Variants in GBX1 observed in about 807,000 individuals in gnomAD.
The protein encoded by GBX1 is gastrulation brain homeobox 1, also known as homeobox protein GBX-1.
In GBX1, 9 loss-of-function variants were observed where a neutral mutation model predicts 22.9. The ratio of observed to expected loss-of-function variants is 0.39; its 90% CI spans 0.24 to 0.69. The LOEUF (loss-of-function observed/expected upper bound fraction) is 0.69. Among genes scored for constraint, GBX1 ranks in the 30% least tolerant of loss-of-function variants. The pLI is 0.43. For synonymous variants in GBX1, 203 were observed against 227.3 expected (o/e 0.89, Z 0.96); for missense variants, 494 against 509.2 (o/e 0.97, Z 0.29).
intron 1 of GBX1, among the ~76,000 whole-genome samples, chr7:151,153,691 C>T (rs1026912578): frequency 8.6e-5 from 13 of 151,988 alleles, no homozygotes; most frequent in Admixed American, 7.9e-4. Flanking sequence ...GGGCCATAGG[C>T]GCACACCACC....
chr7:151,154,723 A>G (rs1264200780), intron 1 of GBX1, among the ~76,000 whole-genome samples: 1 of 152,196 alleles, frequency 6.6e-6, no homozygotes, highest in African/African-American at 2.4e-5. Context: ...AGAGAACAGC[A>G]CTCATGCTCC....
rs1801049202 is a variant in GBX1, at chr7:151,149,155, A to C, written c.539-13T>G. On this transcript the variant is annotated splice_polypyrimidine_tract_variant and intron_variant, in intron 1 of 1. Transcript: ENST00000297537. Reference sequence around the variant, plus strand: ...ACCTTCCCCTCTGCTGTGAGGAGCAAGAAGCCAATGGATGGGGAGGGAGAA... The same window carrying C: ...ACCTTCCCCTCTGCTGTGAGGAGCACGAAGCCAATGGATGGGGAGGGAGAA... 12 of 1,592,264 alleles carry C rather than the reference A, an allele frequency of 7.5e-6. No individual in the cohort carries two copies. Among genetic ancestry groups the C allele is most frequent in the Non-Finnish European group, 1.0e-5 (12 of 1,173,830 alleles).
chr7:151,153,404 A>C (rs779913893), intron 1 of GBX1, among the ~76,000 whole-genome samples: 2 of 152,240 alleles, frequency 1.3e-5, no homozygotes, highest in Non-Finnish European at 2.9e-5. Flanking sequence ...CAATGTGGAA[A>C]TTTCAAAACA....
chr7:151,157,252 C>T (rs572595799), intron 1 of GBX1, among the ~76,000 whole-genome samples: 13 of 152,152 alleles, frequency 8.5e-5, no homozygotes, highest in African/African-American at 2.9e-4. Context: ...GCCAAGATCG[C>T]GCCACTGCAC....
chr7:151,148,811 C>T lies in GBX1; in HGVS notation c.870G>A (p.Glu290=). Residue 290 remains glutamate, a synonymous_variant, in exon 2 of 2, where the codon GAG becomes GAA. Transcript: ENST00000297537. The surrounding 1 kb of genome is among the most constrained non-coding windows in gnomAD (Gnocchi z 5.1). The part of the protein sequence containing the change: ...FHCKKYLSLT[E]RSQIAHALKL... ...TGAGGGCGTGGGCGATCTGAGAGCG[C>T]TCTGTCAAGCTCAGGTATTTCTTGC... 1.2e-6 allele frequency: 2 copies of T among 1,614,192 alleles called. No individual in the cohort carries two copies. The highest frequency in any genetic ancestry group is 1.1e-5 in the South Asian group (1 of 91,084).
At chr7:151,156,654 T>C (rs898499139) in intron 1 of GBX1, among the ~76,000 whole-genome samples, 1 of 152,104 alleles carries the variant, frequency 6.6e-6, no homozygotes, top group Non-Finnish European at 1.5e-5. Flanking sequence ...TTGGTTTGTA[T>C]GATGTAATCT....
intron 1 of GBX1, among the ~76,000 whole-genome samples, chr7:151,165,469 CCTGT>C: frequency 6.6e-6 from 1 of 152,324 alleles, no homozygotes; most frequent in East Asian, 1.9e-4. Context: ...TCTTTGATGG[CCTGT>C]CTTACTCTTT....
In GBX1 at chr7:151,153,644, C is replaced by T. The variant is rs182446726; in HGVS notation, c.539-4502G>A. ...CTCACCGCAGCCTTGAACTCCTGGT[C>T]TCAAGTGATCCTCCTGCCTCAGCCT... On this transcript the variant is annotated intron_variant, in intron 1 of 1. Coordinates refer to ENST00000297537, the MANE Select transcript of GBX1 (RefSeq NM_001098834.3). Among the ~76,000 whole-genome samples the T allele has an allele frequency of 2.7e-3, 410 of 151,928 alleles. 1 individual carries two copies. Among genetic ancestry groups the T allele is most frequent in the Non-Finnish European group, 3.9e-3 (267 of 67,982 alleles).
In GBX1 at chr7:151,148,255, T is replaced by G. The variant is rs1203084572; in HGVS notation, c.*334A>C. Among the ~76,000 whole-genome samples the G allele has an allele frequency of 6.6e-6, 1 of 152,162 alleles. No individual in the cohort carries two copies. Among genetic ancestry groups the G allele is most frequent in the Non-Finnish European group, 1.5e-5 (1 of 68,022 alleles). ...CCATCAGAAGCTGTTCCAGGGCATT[T>G]GCCACAGAACCTTCAGGCCTTAGGC... On this transcript the variant is annotated 3_prime_UTR_variant, in exon 2 of 2. Transcript: ENST00000297537. This position sits in a 1 kb window ranked among gnomAD's most constrained non-coding sequence, Gnocchi z 5.1.
chr7:151,154,386 T>G (rs560680178), intron 1 of GBX1, among the ~76,000 whole-genome samples: 50 of 152,228 alleles, frequency 3.3e-4, no homozygotes, highest in African/African-American at 1.2e-3. Context: ...TTCAGCAAAA[T>G]GAAAATTTTA....
chr7:151,165,375 C>T (rs1036276259), intron 1 of GBX1, among the ~76,000 whole-genome samples: 3 of 151,896 alleles, frequency 2.0e-5, no homozygotes, highest in Non-Finnish European at 4.4e-5. Flanking sequence ...ACCAAGGGAT[C>T]CCCCCTCCAT....
rs557675725 is a variant in GBX1, at chr7:151,148,531, A to G, written c.*58T>C. On this transcript the variant is annotated 3_prime_UTR_variant, in exon 2 of 2. Coordinates refer to ENST00000297537, the MANE Select transcript of GBX1 (RefSeq NM_001098834.3). The surrounding 1 kb of genome is among the most constrained non-coding windows in gnomAD (Gnocchi z 5.1). ...CCCCTCTGGTCCACAGAACCCTGAC[A>G]GTCTCAGAGCAGGCTCAGGTACAGA... 1.3e-6 allele frequency: 2 copies of G among 1,498,072 alleles called. No individual in the cohort carries two copies. The highest frequency in any genetic ancestry group is 2.3e-5 in the East Asian group (1 of 44,042). 92.8% of individuals were successfully genotyped at this position (1,498,072 alleles called of 1,614,324 possible).
chr7:151,163,983 T>G lies in GBX1; in HGVS notation c.538+3028A>C, dbSNP rs115811343. On this transcript the variant is annotated intron_variant, in intron 1 of 1. Transcript: ENST00000297537. ...CTCCTGCAATCAAGTCATAACAAAG[T>G]TCCTTTTATCCTTCCTCAGTTCTAG... 7.8e-3 allele frequency among the ~76,000 whole-genome samples: 1,191 copies of G among 152,272 alleles called. 10 individuals are homozygous for G. The highest frequency in any genetic ancestry group is 0.028 in the African/African-American group (1,150 of 41,552).
chr7:151,163,374 A>C (rs1019518681), intron 1 of GBX1, among the ~76,000 whole-genome samples: 1 of 151,882 alleles, frequency 6.6e-6, no homozygotes, highest in Non-Finnish European at 1.5e-5. Context: ...AGGACCCATT[A>C]TCCAATTCAA....
In GBX1 at chr7:151,166,474, A is replaced by ACCC. The variant is rs376110409; in HGVS notation, c.538+534_538+536dup. Among the ~76,000 whole-genome samples the ACCC allele has an allele frequency of 4.2e-4, 30 of 70,644 alleles. 1 individual carries two copies. Among genetic ancestry groups the ACCC allele is most frequent in the South Asian group, 1.1e-3 (2 of 1,806 alleles). 46.3% of individuals were successfully genotyped at this position (70,644 alleles called of 152,430 possible). ...TCAGAAGTCACGGCTTTGAGACGCA[A>ACCC]CCCCCCCCCCCCAACACACACACAC... On this transcript the variant is annotated intron_variant, in intron 1 of 1. Transcript: ENST00000297537.
At chr7:151,155,956 TCTCCTAAAGC>T (rs1423044188) in intron 1 of GBX1, among the ~76,000 whole-genome samples, 1 of 152,086 alleles carries the variant, frequency 6.6e-6, no homozygotes, top group Non-Finnish European at 1.5e-5. Flanking sequence ...GGATGTCAAG[TCTCCTAAAGC>T]TGCAGTTAAC....
In GBX1 at chr7:151,148,171, T is replaced by C. The variant is rs1430587423; in HGVS notation, c.*418A>G. ...GACAGATAGCTCCATATATACACAT[T>C]TACACAAATAAATAAGGAGCTGCGA... On this transcript the variant is annotated 3_prime_UTR_variant, in exon 2 of 2. Transcript: ENST00000297537. This position sits in a 1 kb window ranked among gnomAD's most constrained non-coding sequence, Gnocchi z 5.1. Among the ~76,000 whole-genome samples the C allele has an allele frequency of 1.3e-5, 2 of 152,008 alleles. No homozygotes were observed. Among genetic ancestry groups the C allele is most frequent in the Non-Finnish European group, 2.9e-5 (2 of 67,984 alleles).
At chr7:151,160,039 A>C (rs1801174205) in intron 1 of GBX1, among the ~76,000 whole-genome samples, 1 of 152,198 alleles carries the variant, frequency 6.6e-6, no homozygotes, top group Non-Finnish European at 1.5e-5. Context: ...CACCACTGAA[A>C]AGTATAGTTT....
At chr7:151,159,820 T>A (rs1326226924) in intron 1 of GBX1, among the ~76,000 whole-genome samples, 1 of 152,220 alleles carries the variant, frequency 6.6e-6, no homozygotes, top group Non-Finnish European at 1.5e-5. Flanking sequence ...TCCCAACTGA[T>A]CCCCAATCTA....
Sources: allele counts gnomAD v4.1 joint callset (sites outside exome capture counted in the v4.1 genomes callset), GRCh38; gene constraint gnomAD v4.1.1; non-coding constraint Gnocchi (gnomAD v3.1); transcripts MANE v1.5; gene names NCBI Gene and HGNC (gene_info 2026-07-23, HGNC 2026-07-21).